Variants in STMN2 observed in about 807,000 individuals in gnomAD.
STMN2 encodes the protein stathmin 2.
In STMN2, 2 loss-of-function variants were observed where a neutral mutation model predicts 24.1. The observed-to-expected ratio is 0.08, with a 90% confidence interval of 0.03 to 0.26. The LOEUF (loss-of-function observed/expected upper bound fraction) is 0.26, where lower values mean the gene tolerates loss of function less well. STMN2 is among the 10% of genes least tolerant of loss of function. The pLI is 1.00. For missense variants in STMN2, 114 were observed against 213.6 expected, an observed-to-expected ratio of 0.53 and a Z score of 2.91; for synonymous variants, 83 against 77.5, an observed-to-expected ratio of 1.07 and a Z score of -0.37.
intron 1 of STMN2, among the ~76,000 whole-genome samples, chr8:79,634,755 C>A (rs550451767): frequency 2.6e-5 from 4 of 152,114 alleles, no homozygotes; most frequent in Non-Finnish European, 4.4e-5. Flanking sequence ...ATTCTAGTAT[C>A]TGTGGATCTA....
At chr8:79,639,563 T>G (rs945586014) in intron 2 of STMN2, among the ~76,000 whole-genome samples, 7 of 152,238 alleles carry the variant, frequency 4.6e-5, no homozygotes, top group African/African-American at 1.7e-4. Context: ...GCTGTCATCT[T>G]TTCTATTATA....
chr8:79,620,990 G>A (rs962548540), intron 1 of STMN2: 134 of 985,032 alleles, frequency 1.4e-4, no homozygotes, highest in Non-Finnish European at 1.6e-4. Context: ...CAAGCAGCAG[G>A]CCAGGACAGC....
chr8:79,614,400 C>T (rs2130290376), intron 1 of STMN2, among the ~76,000 whole-genome samples: 1 of 152,206 alleles, frequency 6.6e-6, no homozygotes, highest in African/African-American at 2.4e-5. Context: ...ATATAAGTAA[C>T]TAGAAATGAA....
intron 1 of STMN2, among the ~76,000 whole-genome samples, chr8:79,624,323 G>T (rs1056778113): frequency 2.0e-5 from 3 of 151,650 alleles, no homozygotes; most frequent in Non-Finnish European, 4.4e-5. Context: ...GTGTGGTGGC[G>T]GGTGCCTGTA....
intron 3 of STMN2, among the ~76,000 whole-genome samples, chr8:79,643,638 A>G (rs1810158407): frequency 6.6e-6 from 1 of 152,148 alleles, no homozygotes; most frequent in African/African-American, 2.4e-5. Context: ...AAGAACTGGG[A>G]TCAACAAAAT....
intron 1 of STMN2, among the ~76,000 whole-genome samples, chr8:79,624,221 G>A (rs1324946513): frequency 1.3e-5 from 2 of 152,002 alleles, no homozygotes; most frequent in East Asian, 1.9e-4. Context: ...TTGGGTGGCC[G>A]AGGCGGGCGG....
At chr8:79,611,299 A>G in intron 1 of STMN2, 85 bp downstream of exon 1, 2 of 1,560,164 alleles carry the variant, frequency 1.3e-6, no homozygotes, top group East Asian at 4.5e-5. Flanking sequence ...GCATTCAGAG[A>G]TATTTTATAA....
intron 4 of STMN2, among the ~76,000 whole-genome samples, chr8:79,661,386 CAATAT>C (rs1806498644): frequency 6.6e-6 from 1 of 151,988 alleles, no homozygotes; most frequent in Admixed American, 6.6e-5. Flanking sequence ...CTGATGTTGA[CAATAT>C]TTAACTCTTT....
chr8:79,648,453 C>CTTTTTTTTTTTTTTTT (rs11374351), intron 3 of STMN2, among the ~76,000 whole-genome samples: 1 of 97,914 alleles, frequency 1.0e-5, no homozygotes, highest in Non-Finnish European at 1.9e-5. Context: ...ATATACGTTG[C>CTTTTTTTTTTTTTTTT]TTTTTTTTTT....
rs749614472 is a variant in STMN2, at chr8:79,636,811, A to G, written c.29A>G (p.Glu10Gly). The change falls in exon 2 of 5, where the codon GAA (glutamate) becomes GGA (glycine). Residue 10 changes from glutamate (E) to glycine (G), a missense_variant. Physicochemically the swap from Glu to Gly is moderately conservative, Grantham distance 98 (BLOSUM62 -2). Transcript: ENST00000220876. MAKTAMAYKEKMKELSMLSL... is the reference protein window; with the variant it reads MAKTAMAYKGKMKELSMLSL... Reference sequence around the variant, plus strand: ...CAGCTTTTCATTTCAGCCTACAAGGAAAAAATGAAGGAGCTGTCCATGCTG... The same window carrying G: ...CAGCTTTTCATTTCAGCCTACAAGGGAAAAATGAAGGAGCTGTCCATGCTG... 1.9e-6 allele frequency: 3 copies of G among 1,613,324 alleles called. No homozygotes were observed. The highest frequency in any genetic ancestry group is 2.5e-6 in the Non-Finnish European group (3 of 1,179,458).
intron 3 of STMN2, among the ~76,000 whole-genome samples, chr8:79,652,030 T>C (rs955018608): frequency 4.6e-5 from 7 of 152,236 alleles, no homozygotes; most frequent in South Asian, 2.1e-4. Flanking sequence ...GTTACATTGC[T>C]ACCTGCCTTT....
intron 1 of STMN2, among the ~76,000 whole-genome samples, chr8:79,619,118 T>A (rs1038565312): frequency 6.6e-6 from 1 of 152,106 alleles, no homozygotes; most frequent in African/African-American, 2.4e-5. Context: ...AGAGTGCCCA[T>A]TTAGCAGTTA....
chr8:79,619,225 T>G (rs1387500834), intron 1 of STMN2, among the ~76,000 whole-genome samples: 1 of 152,176 alleles, frequency 6.6e-6, no homozygotes, highest in Admixed American at 6.5e-5. Flanking sequence ...ATAATAAATC[T>G]GTCCATCTTT....
At position 79,640,213 on chromosome 8, in the gene STMN2, T is replaced by C. The variant is rs550511715; in HGVS notation, c.116-1165T>C. On this transcript the variant is annotated intron_variant, in intron 2 of 4. Transcript: ENST00000220876. ...AACTCCGTCTCAATAATAAGTCTCT[T>C]GCATTTGTTCTTCCTGTTTAACTGA... Among the ~76,000 whole-genome samples the C allele has an allele frequency of 7.2e-5, 11 of 152,246 alleles. No individual in the cohort carries two copies. The East Asian group carries it at 1.9e-3, about 27-fold the overall frequency.
intron 1 of STMN2, among the ~76,000 whole-genome samples, chr8:79,628,464 T>G (rs1415914074): frequency 1.3e-5 from 2 of 152,156 alleles, no homozygotes; most frequent in African/African-American, 4.8e-5. Context: ...TAGTTCTGTT[T>G]TTAATTTTTT....
intron 1 of STMN2, among the ~76,000 whole-genome samples, chr8:79,617,186 A>G (rs1809401363): frequency 1.3e-5 from 2 of 152,184 alleles, no homozygotes; most frequent in Non-Finnish European, 1.5e-5. Context: ...ATCTAAGCCA[A>G]TAAAGGATCT....
At chr8:79,641,624 GCA>G (rs1319315239) in intron 3 of STMN2, 74 bp downstream of exon 3, 2 of 476,242 alleles carry the variant, frequency 4.2e-6, no homozygotes, top group Non-Finnish European at 6.9e-6. Context: ...GGGCACACAT[GCA>G]CGCACACACA....
At chr8:79,655,108 C>A in intron 4 of STMN2, 46 bp downstream of exon 4, 1 of 1,590,870 alleles carries the variant, frequency 6.3e-7, no homozygotes, top group Non-Finnish European at 8.6e-7. Context: ...TCATATGCAG[C>A]ACAGCTGGGT....
rs925896323 is a variant in STMN2, at chr8:79,664,942, G to A, written c.*68G>A. Reference sequence around the variant, plus strand: ...CTGCCTATATTATAATGGATCATGCGATATCAGGATGGGGAATGTATGACA... The same window carrying A: ...CTGCCTATATTATAATGGATCATGCAATATCAGGATGGGGAATGTATGACA... On this transcript the variant is annotated 3_prime_UTR_variant, in exon 5 of 5. Coordinates refer to ENST00000220876, the MANE Select transcript of STMN2 (RefSeq NM_007029.4). The A allele has an allele frequency of 6.5e-6, 9 of 1,381,060 alleles. No homozygotes were observed. Among genetic ancestry groups the A allele is most frequent in the Middle Eastern group, 1.8e-4 (1 of 5,426 alleles). The allele number at this position is 1,381,060 out of a possible 1,614,324, so 85.6% of individuals were successfully genotyped here.
Sources: gnomAD v4.1 joint callset for allele counts (sites outside exome capture counted in the v4.1 genomes callset) on GRCh38, gnomAD v4.1.1 for gene constraint, MANE v1.5 for transcripts, NCBI Gene and HGNC (gene_info 2026-07-23, HGNC 2026-07-21) for gene names.